The following CTNND2 variants were observed in gnomAD, a reference collection of about 807,000 sequenced individuals.
The protein encoded by CTNND2 is catenin delta 2.
Under a neutral mutation model 144.4 loss-of-function variants are expected in CTNND2, and 22 were observed. That is an observed-to-expected ratio of 0.15 (90% CI 0.11 to 0.22). CTNND2 has a LOEUF of 0.22. CTNND2 is among the 10% of genes least tolerant of loss of function. The pLI is 1.00. For missense variants in CTNND2, 1,353 were observed against 1,618.8 expected (o/e 0.84, Z 2.82); for synonymous variants, 751 against 695.6 (o/e 1.08, Z -1.25).
intron 1 of CTNND2, among the ~76,000 whole-genome samples, chr5:11,758,233 A>T (rs1280565557): frequency 2.0e-5 from 3 of 151,936 alleles, no homozygotes; most frequent in Admixed American, 6.6e-5. Flanking sequence ...TTTTTAATTG[A>T]TACATAATTG....
intron 10 of CTNND2, among the ~76,000 whole-genome samples, chr5:11,222,920 G>A (rs766015454): frequency 5.9e-5 from 9 of 152,134 alleles, no homozygotes; most frequent in Non-Finnish European, 1.2e-4. Flanking sequence ...CCCCTGGTGT[G>A]CCCTTCCCAC....
At chr5:11,246,354 T>C (rs1000274320) in intron 9 of CTNND2, among the ~76,000 whole-genome samples, 1 of 152,040 alleles carries the variant, frequency 6.6e-6, no homozygotes, top group African/African-American at 2.4e-5. Context: ...GAGATCAGAC[T>C]GGATTGGGGT....
At chr5:11,382,503 C>A (rs928635107) in intron 7 of CTNND2, among the ~76,000 whole-genome samples, 2 of 151,682 alleles carry the variant, frequency 1.3e-5, no homozygotes, top group Non-Finnish European at 2.9e-5. Flanking sequence ...GAGGCTGAGG[C>A]GGGAGAATCA....
chr5:11,842,837 C>G (rs947662779), intron 1 of CTNND2, among the ~76,000 whole-genome samples: 3 of 151,922 alleles, frequency 2.0e-5, no homozygotes, highest in African/African-American at 7.3e-5. Context: ...TCACCTGTTT[C>G]TATTTGCATT....
chr5:11,558,545 T>A (rs550338758), intron 3 of CTNND2, among the ~76,000 whole-genome samples: 1 of 152,192 alleles, frequency 6.6e-6, no homozygotes, highest in South Asian at 2.1e-4. Context: ...TTTTGTATTT[T>A]TTTTTGTAGA....
Position 11,235,610 on chromosome 5 carries a change from G to A in CTNND2, c.1761+1081C>T, listed in dbSNP as rs1315452873. Among the ~76,000 whole-genome samples, 5 of 152,232 alleles carry A rather than the reference G, an allele frequency of 3.3e-5. No individual in the cohort carries two copies. In the East Asian group the frequency reaches 9.6e-4, roughly 29 times the overall value. ...TTGGCAGTATCCCTGATCTCTACAA[G>A]GGATACCCACAGCCTCCTCCAGCTG... On this transcript the variant is annotated intron_variant, in intron 10 of 21. Transcript: ENST00000304623.
At chr5:11,035,029 C>A (rs1474843384) in intron 16 of CTNND2, among the ~76,000 whole-genome samples, 6 of 131,116 alleles carry the variant, frequency 4.6e-5, no homozygotes, top group Non-Finnish European at 6.4e-5. Flanking sequence ...CCCCTCCCCC[C>A]ACCCCACAGC....
intron 1 of CTNND2, among the ~76,000 whole-genome samples, chr5:11,738,455 GTC>G (rs1787822171): frequency 6.6e-6 from 1 of 152,170 alleles, no homozygotes; most frequent in Non-Finnish European, 1.5e-5. Flanking sequence ...CCAAATAGGA[GTC>G]TCTATAAATT....
At chr5:11,630,572 C>T (rs1394917275) in intron 2 of CTNND2, among the ~76,000 whole-genome samples, 1 of 152,146 alleles carries the variant, frequency 6.6e-6, no homozygotes, top group African/African-American at 2.4e-5. Context: ...CATTTATGTG[C>T]TTTGCTCAGT....
At chr5:11,466,369 C>A (rs966282963) in intron 3 of CTNND2, among the ~76,000 whole-genome samples, 6 of 152,130 alleles carry the variant, frequency 3.9e-5, no homozygotes, top group Non-Finnish European at 8.8e-5. Context: ...GAGTTCTAAG[C>A]CTTTTTTCAG....
At chr5:11,754,365 T>G (rs1788791711) in intron 1 of CTNND2, among the ~76,000 whole-genome samples, 1 of 151,316 alleles carries the variant, frequency 6.6e-6, no homozygotes, top group African/African-American at 2.4e-5. Context: ...GAAATTCTGA[T>G]ATGTTTTATC....
intron 18 of CTNND2, among the ~76,000 whole-genome samples, chr5:11,006,200 T>C (rs1740461120): frequency 6.6e-6 from 1 of 151,896 alleles, no homozygotes; most frequent in Non-Finnish European, 1.5e-5. Flanking sequence ...TAGAGAAAAA[T>C]AAGAATAGTG....
intron 2 of CTNND2, among the ~76,000 whole-genome samples, chr5:11,568,747 G>A (rs866917717): frequency 6.6e-6 from 1 of 152,196 alleles, no homozygotes; most frequent in South Asian, 2.1e-4. Flanking sequence ...CTCTAACACA[G>A]TTTGGGGTTT....
intron 3 of CTNND2, among the ~76,000 whole-genome samples, chr5:11,480,487 T>G (rs1316206450): frequency 2.0e-5 from 3 of 152,170 alleles, no homozygotes; most frequent in African/African-American, 7.2e-5. Context: ...AGTTAGGTGC[T>G]TAAAGAAGAA....
intron 2 of CTNND2, among the ~76,000 whole-genome samples, chr5:11,637,307 T>C (rs1581645475): frequency 6.6e-6 from 1 of 152,150 alleles, no homozygotes; most frequent in Non-Finnish European, 1.5e-5. Flanking sequence ...TATAGAGATA[T>C]ATTAAAAGAC....
intron 3 of CTNND2, among the ~76,000 whole-genome samples, chr5:11,527,344 C>T (rs977011468): frequency 3.9e-5 from 6 of 152,148 alleles, no homozygotes; most frequent in Non-Finnish European, 7.4e-5. Flanking sequence ...GGCAGGCTGG[C>T]GCCAGAAGCC....
At chr5:11,350,359 TA>T (rs1264331011) in intron 8 of CTNND2, among the ~76,000 whole-genome samples, 3 of 151,724 alleles carry the variant, frequency 2.0e-5, no homozygotes, top group African/African-American at 4.8e-5. Context: ...CCTTGGAAAA[TA>T]AAAAATATAT....
intron 18 of CTNND2, among the ~76,000 whole-genome samples, chr5:10,993,152 G>A (rs1359910023): frequency 6.6e-6 from 1 of 152,108 alleles, no homozygotes; most frequent in Non-Finnish European, 1.5e-5. Context: ...TTACCTGCCT[G>A]TGTCCTTTCC....
intron 8 of CTNND2, among the ~76,000 whole-genome samples, chr5:11,362,424 A>T (rs1756556195): frequency 6.6e-6 from 1 of 152,210 alleles, no homozygotes; most frequent in South Asian, 2.1e-4. Context: ...ACATGAAATT[A>T]TATGAATTAG....
Sources: gnomAD v4.1 joint callset for allele counts (sites outside exome capture counted in the v4.1 genomes callset) on GRCh38, gnomAD v4.1.1 for gene constraint, MANE v1.5 for transcripts, NCBI Gene and HGNC (gene_info 2026-07-23, HGNC 2026-07-21) for gene names.